EPS8: variants seen among roughly 807,000 people sequenced by gnomAD.
The protein encoded by EPS8 is EGFR pathway substrate 8, signaling adaptor, also known as epidermal growth factor receptor kinase substrate 8.
EPS8 carries 42 observed loss-of-function variants against 103.8 expected under a neutral mutation model. That is an observed-to-expected ratio of 0.40 (90% CI 0.32 to 0.52). The LOEUF (loss-of-function observed/expected upper bound fraction) is 0.52, where lower values mean the gene tolerates loss of function less well. EPS8 is among the 20% of genes least tolerant of loss of function. EPS8 has a pLI of 0.40. For missense variants in EPS8, 969 were observed against 1,005.1 expected (o/e 0.96, Z 0.49); for synonymous variants, 344 against 344.6 (o/e 1.00, Z 0.02).
rs1017512583 is a variant in EPS8, at chr12:15,698,975, A to C, written c.-21-16003T>G. 6.6e-6 allele frequency among the ~76,000 whole-genome samples: 1 copy of C among 152,186 alleles called. No individual in the cohort carries two copies. Among genetic ancestry groups the C allele is most frequent in the Non-Finnish European group, 1.5e-5 (1 of 68,032 alleles). ...CAGATTTGAAAAAATGTAAATGACCATCAATCTACTAATATAAATGGGCAA... is the reference window on the plus strand; with the variant it reads ...CAGATTTGAAAAAATGTAAATGACCCTCAATCTACTAATATAAATGGGCAA... On this transcript the variant is annotated intron_variant, in intron 1 of 20. Transcript: ENST00000281172. The surrounding 1 kb of genome is among the most constrained non-coding windows in gnomAD (Gnocchi z 4.9).
intron 1 of EPS8, among the ~76,000 whole-genome samples, chr12:15,763,358 C>T (rs1457312171): frequency 6.6e-6 from 1 of 152,046 alleles, no homozygotes; most frequent in Non-Finnish European, 1.5e-5. Context: ...TATTCAACAA[C>T]CCTAAAAGAT....
rs574577330 is a variant in EPS8 at position 15,778,730 on chromosome 12, C to T, written c.-22+10431G>A. Among the ~76,000 whole-genome samples the T allele has an allele frequency of 1.7e-4, 26 of 152,248 alleles. No homozygotes were observed. In the South Asian group the frequency reaches 2.1e-3, roughly 12 times the overall value. On this transcript the variant is annotated intron_variant, in intron 1 of 20. Coordinates refer to ENST00000281172, the MANE Select transcript of EPS8 (RefSeq NM_004447.6). The surrounding 1 kb of genome is among the most constrained non-coding windows in gnomAD (Gnocchi z 4.5). Reference sequence around the variant, plus strand: ...GCAAAGAGAAATTGGAGATTATGTACGCATGCATATAAACATAAACAAGCT... The same window carrying T: ...GCAAAGAGAAATTGGAGATTATGTATGCATGCATATAAACATAAACAAGCT...
chr12:15,752,688 T>C lies in EPS8; in HGVS notation c.-22+36473A>G, dbSNP rs2136020434. On this transcript the variant is annotated intron_variant, in intron 1 of 20. Transcript: ENST00000281172. The surrounding 1 kb of genome is among the most constrained non-coding windows in gnomAD (Gnocchi z 4.4). ...TCTCCTGCTCAGGAGGTAGAGGAGA[T>C]GGGCCTGAGAAGTTATACCCCGACA... is the stretch of plus-strand genomic sequence containing the variant. 6.6e-6 allele frequency among the ~76,000 whole-genome samples: 1 copy of C among 152,174 alleles called. No homozygotes were observed. Among genetic ancestry groups the C allele is most frequent in the Middle Eastern group, 3.4e-3 (1 of 294 alleles).
chr12:15,713,618 C>T lies in EPS8; in HGVS notation c.-21-30646G>A, dbSNP rs1020925462. Among the ~76,000 whole-genome samples the T allele has an allele frequency of 2.0e-5, 3 of 152,212 alleles. No homozygotes were observed. Among genetic ancestry groups the T allele is most frequent in the African/African-American group, 7.2e-5 (3 of 41,454 alleles). On this transcript the variant is annotated intron_variant, in intron 1 of 20. Coordinates refer to ENST00000281172, the MANE Select transcript of EPS8 (RefSeq NM_004447.6). This position sits in a 1 kb window ranked among gnomAD's most constrained non-coding sequence, Gnocchi z 4.8. ...CTGCTGGATTTCCAGCCCCATTAAA[C>T]CTTCACAACTCTAAAGCAGTCCTGA...
chr12:15,673,643 T>C (rs1173629978), intron 3 of EPS8, among the ~76,000 whole-genome samples: 1 of 152,188 alleles, frequency 6.6e-6, no homozygotes, highest in Non-Finnish European at 1.5e-5. Context: ...TATAAAACAG[T>C]GTGCAACTCA....
chr12:15,674,217 A>T (rs1945864245), intron 3 of EPS8, among the ~76,000 whole-genome samples: 2 of 152,198 alleles, frequency 1.3e-5, no homozygotes, highest in African/African-American at 4.8e-5. Flanking sequence ...TAATATTCAA[A>T]GATACAGCTA....
intron 1 of EPS8, among the ~76,000 whole-genome samples, chr12:15,709,324 AAAG>A (rs1254506624): frequency 1.3e-5 from 2 of 152,242 alleles, no homozygotes; most frequent in Admixed American, 1.3e-4. Flanking sequence ...AATGCAGAAA[AAAG>A]AAGGTGAAAC....
intron 1 of EPS8, among the ~76,000 whole-genome samples, chr12:15,687,453 A>G (rs1046794255): frequency 2.0e-5 from 3 of 152,186 alleles, no homozygotes; most frequent in African/African-American, 2.4e-5. Context: ...AAGTCAACAC[A>G]ATAAAATCAC....
intron 1 of EPS8, among the ~76,000 whole-genome samples, chr12:15,763,159 AATAG>A (rs1418791059): frequency 2.0e-5 from 3 of 152,180 alleles, no homozygotes; most frequent in African/African-American, 4.8e-5. Flanking sequence ...TATATTTTAA[AATAG>A]ATAGGAGTTG....
chr12:15,749,409 A>T lies in EPS8; in HGVS notation c.-22+39752T>A, dbSNP rs1161715036. Among the ~76,000 whole-genome samples the T allele has an allele frequency of 6.6e-6, 1 of 152,222 alleles. No homozygotes were observed. Among genetic ancestry groups the T allele is most frequent in the Non-Finnish European group, 1.5e-5 (1 of 68,038 alleles). Reference sequence around the variant, plus strand: ...ATGTCTTGTTCAACATTATTTCTCAAATGCTAAGCAAAGGGCCTGCACATA... The same window carrying T: ...ATGTCTTGTTCAACATTATTTCTCATATGCTAAGCAAAGGGCCTGCACATA... On this transcript the variant is annotated intron_variant, in intron 1 of 20. Coordinates refer to ENST00000281172, the MANE Select transcript of EPS8 (RefSeq NM_004447.6). The surrounding 1 kb of genome is among the most constrained non-coding windows in gnomAD (Gnocchi z 4.0).
intron 1 of EPS8, among the ~76,000 whole-genome samples, chr12:15,715,655 T>G (rs565697730): frequency 6.6e-6 from 1 of 151,584 alleles, no homozygotes; most frequent in Non-Finnish European, 1.5e-5. Flanking sequence ...GCCCAGCTAA[T>G]TTTTTGTGTT....
intron 1 of EPS8, among the ~76,000 whole-genome samples, chr12:15,741,443 T>C (rs1451687584): frequency 6.6e-6 from 1 of 152,134 alleles, no homozygotes; most frequent in Non-Finnish European, 1.5e-5. Context: ...GGCAGGATCA[T>C]TTGTAGGTTG....
intron 15 of EPS8, among the ~76,000 whole-genome samples, chr12:15,646,114 T>G (rs1322563297): frequency 6.6e-6 from 1 of 152,010 alleles, no homozygotes; most frequent in Non-Finnish European, 1.5e-5. Context: ...TAAAACATTC[T>G]CATATGTTGG....
chr12:15,628,408 T>C (rs764691399), intron 18 of EPS8, among the ~76,000 whole-genome samples: 1 of 152,192 alleles, frequency 6.6e-6, no homozygotes, highest in Non-Finnish European at 1.5e-5. Flanking sequence ...CCATTTCCAA[T>C]GTTCTAACAC....
At position 15,733,287 on chromosome 12, in the gene EPS8, G is replaced by A. The variant is rs554607297; in HGVS notation, c.-21-50315C>T. ...CAAGCCCGTCTAACAGGTGAGAGGG[G>A]ACAGTGTGTGAAGGAGGAACTGTCA... is the stretch of plus-strand genomic sequence containing the variant. On this transcript the variant is annotated intron_variant, in intron 1 of 20. Transcript: ENST00000281172. The surrounding 1 kb of genome is among the most constrained non-coding windows in gnomAD (Gnocchi z 4.8). 3.9e-5 allele frequency among the ~76,000 whole-genome samples: 6 copies of A among 152,258 alleles called. No homozygotes were observed. The South Asian group carries it at 1.2e-3, about 32-fold the overall frequency.
In EPS8 at chr12:15,772,073, T is replaced by A; in HGVS notation, c.-22+17088A>T. ...AGAGTTTTAAGCAAGGTAGTTAACA[T>A]GATTAGCAGTGAGAGACGGAAGAGG... On this transcript the variant is annotated intron_variant, in intron 1 of 20. Transcript: ENST00000281172. This position sits in a 1 kb window ranked among gnomAD's most constrained non-coding sequence, Gnocchi z 5.0. Among the ~76,000 whole-genome samples, 1 of 152,018 alleles carries A rather than the reference T, an allele frequency of 6.6e-6. No homozygotes were observed. The highest frequency in any genetic ancestry group is 1.9e-4 in the East Asian group (1 of 5,182).
Position 15,733,938 on chromosome 12 carries a change from A to T in EPS8, c.-21-50966T>A, listed in dbSNP as rs1320586808. Among the ~76,000 whole-genome samples the T allele has an allele frequency of 6.6e-6, 1 of 152,142 alleles. No individual in the cohort carries two copies. Among genetic ancestry groups the T allele is most frequent in the African/African-American group, 2.4e-5 (1 of 41,414 alleles). Reference sequence around the variant, plus strand: ...CAGTGATGCAATCTCAGCTCACTGCAGCCTTCACCTCCTGGACTCAAGTGA... The same window carrying T: ...CAGTGATGCAATCTCAGCTCACTGCTGCCTTCACCTCCTGGACTCAAGTGA... On this transcript the variant is annotated intron_variant, in intron 1 of 20. Transcript: ENST00000281172. The surrounding 1 kb of genome is among the most constrained non-coding windows in gnomAD (Gnocchi z 4.8).
chr12:15,706,537 C>T lies in EPS8; in HGVS notation c.-21-23565G>A, dbSNP rs1356612482. Reference sequence around the variant, plus strand: ...CTGAAATTCTCTTCATAAATCTTTACTGTTAGACATTTGGGCCAATATTTG... The same window carrying T: ...CTGAAATTCTCTTCATAAATCTTTATTGTTAGACATTTGGGCCAATATTTG... On this transcript the variant is annotated intron_variant, in intron 1 of 20. Coordinates refer to ENST00000281172, the MANE Select transcript of EPS8 (RefSeq NM_004447.6). The surrounding 1 kb of genome is among the most constrained non-coding windows in gnomAD (Gnocchi z 5.2). Among the ~76,000 whole-genome samples, 1 of 152,182 alleles carries T rather than the reference C, an allele frequency of 6.6e-6. No homozygotes were observed. The highest frequency in any genetic ancestry group is 1.5e-5 in the Non-Finnish European group (1 of 68,038).
rs1362072568 is a variant in EPS8 at position 15,727,326 on chromosome 12, G to C, written c.-21-44354C>G. Among the ~76,000 whole-genome samples, 1 of 152,130 alleles carries C rather than the reference G, an allele frequency of 6.6e-6. No homozygotes were observed. Among genetic ancestry groups the C allele is most frequent in the Non-Finnish European group, 1.5e-5 (1 of 68,024 alleles). On this transcript the variant is annotated intron_variant, in intron 1 of 20. Transcript: ENST00000281172. The surrounding 1 kb of genome is among the most constrained non-coding windows in gnomAD (Gnocchi z 4.3). ...TCTCACTATATCCCCAAGTAGATCT[G>C]ACCATTTGGCATATAGTATATATTT...
Sources: allele counts gnomAD v4.1 joint callset (sites outside exome capture counted in the v4.1 genomes callset), GRCh38; gene constraint gnomAD v4.1.1; non-coding constraint Gnocchi (gnomAD v3.1); transcripts MANE v1.5; gene names NCBI Gene and HGNC (gene_info 2026-07-23, HGNC 2026-07-21).